The following SOX5 variants were observed in gnomAD, a reference collection of about 807,000 sequenced individuals.
SOX5 encodes the protein SRY-box transcription factor 5.
SOX5 carries 9 observed loss-of-function variants against 92.0 expected under a neutral mutation model. That is an observed-to-expected ratio of 0.10 (90% confidence interval 0.06 to 0.17). SOX5 has a LOEUF of 0.17. SOX5 is among the 10% of genes least tolerant of loss of function. The probability of loss-of-function intolerance (pLI) is 1.00; values close to 1 mark genes in which losing one functional copy is unlikely to be tolerated. For synonymous variants in SOX5, 344 were observed against 336.3 expected, an observed-to-expected ratio of 1.02 and a Z score of -0.25; for missense variants, 642 against 944.5, an observed-to-expected ratio of 0.68 and a Z score of 4.20.
At chr12:23,648,113 A>G (rs2081103126) in intron 7 of SOX5, among the ~76,000 whole-genome samples, 1 of 152,230 alleles carries the variant, frequency 6.6e-6, no homozygotes, top group Non-Finnish European at 1.5e-5. Context: ...TATAACTATA[A>G]TACCAAAGAT....
chr12:24,451,647 T>G (rs999739618), intron 1 of SOX5, among the ~76,000 whole-genome samples: 1 of 152,168 alleles, frequency 6.6e-6, no homozygotes, highest in Non-Finnish European at 1.5e-5. Context: ...GAAGAGTGAT[T>G]AAGAAGATGG....
intron 1 of SOX5, among the ~76,000 whole-genome samples, chr12:24,511,250 A>G (rs1949276319): frequency 6.6e-6 from 1 of 152,218 alleles, no homozygotes; most frequent in Non-Finnish European, 1.5e-5. Context: ...TTTATTTTAA[A>G]TTCAACTGTT....
At chr12:24,462,377 A>C (rs999134479) in intron 1 of SOX5, among the ~76,000 whole-genome samples, 1 of 152,228 alleles carries the variant, frequency 6.6e-6, no homozygotes, top group Non-Finnish European at 1.5e-5. Context: ...GTCATTATGC[A>C]GTATATGGCT....
chr12:23,653,072 ATGGG>A (rs1382668339), intron 7 of SOX5, among the ~76,000 whole-genome samples: 60 of 143,262 alleles, frequency 4.2e-4, no homozygotes, highest in South Asian at 9.2e-4. Flanking sequence ...GGATGGATGG[ATGGG>A]TGGATGGATG....
At chr12:23,846,651 CAT>C (rs2096578522) in intron 2 of SOX5, among the ~76,000 whole-genome samples, 4 of 143,440 alleles carry the variant, frequency 2.8e-5, no homozygotes, top group Admixed American at 1.5e-4. Flanking sequence ...AAACAAATAT[CAT>C]TACACACAAT....
intron 2 of SOX5, among the ~76,000 whole-genome samples, chr12:24,308,639 C>T (rs1477964040): frequency 6.6e-6 from 1 of 152,198 alleles, no homozygotes; most frequent in Non-Finnish European, 1.5e-5. Flanking sequence ...CAACATCTAG[C>T]ACATTACCTG....
chr12:23,941,058 T>A (rs1464986235), intron 1 of SOX5, among the ~76,000 whole-genome samples: 1 of 151,534 alleles, frequency 6.6e-6, no homozygotes, highest in Non-Finnish European at 1.5e-5. Context: ...CTATGAAATG[T>A]TTCTTCCTTT....
At chr12:24,462,512 A>G (rs1943753850) in intron 1 of SOX5, among the ~76,000 whole-genome samples, 1 of 152,210 alleles carries the variant, frequency 6.6e-6, no homozygotes, top group Non-Finnish European at 1.5e-5. Context: ...GAACAGAGCT[A>G]AAGACTCACA....
intron 2 of SOX5, among the ~76,000 whole-genome samples, chr12:24,342,089 T>C (rs141032172): frequency 2.0e-5 from 3 of 152,348 alleles, no homozygotes; most frequent in African/African-American, 4.8e-5. Flanking sequence ...CTGCCACATA[T>C]GGTTCTCAGG....
chr12:23,678,753 C>A (rs960452313), intron 6 of SOX5, among the ~76,000 whole-genome samples: 1 of 151,992 alleles, frequency 6.6e-6, no homozygotes, highest in Non-Finnish European at 1.5e-5. Flanking sequence ...AACAGGGAAG[C>A]CTAAAGTCAA....
intron 2 of SOX5, among the ~76,000 whole-genome samples, chr12:24,359,474 C>A (rs903336135): frequency 8.5e-5 from 13 of 152,126 alleles, no homozygotes; most frequent in Non-Finnish European, 1.6e-4. Flanking sequence ...CAACATAATA[C>A]CTTTTGAAAT....
intron 4 of SOX5, among the ~76,000 whole-genome samples, chr12:24,115,685 A>C (rs1378197485): frequency 6.6e-6 from 1 of 152,218 alleles, no homozygotes; most frequent in African/African-American, 2.4e-5. Flanking sequence ...GTAATTACAA[A>C]CTTCATCATG....
intron 4 of SOX5, among the ~76,000 whole-genome samples, chr12:24,119,330 C>T (rs1017627080): frequency 1.3e-5 from 2 of 152,216 alleles, no homozygotes; most frequent in East Asian, 3.9e-4. Flanking sequence ...GCACTATTCT[C>T]ACCATCAACA....
At chr12:24,447,130 C>T (rs1941599696) in intron 1 of SOX5, among the ~76,000 whole-genome samples, 1 of 152,158 alleles carries the variant, frequency 6.6e-6, no homozygotes, top group Non-Finnish European at 1.5e-5. Flanking sequence ...GAGTTTAACT[C>T]CCCTCCTCTT....
chr12:24,028,750 G>T (rs1955166859), intron 4 of SOX5, among the ~76,000 whole-genome samples: 1 of 151,972 alleles, frequency 6.6e-6, no homozygotes, highest in South Asian at 2.1e-4. Context: ...GTGAATGATT[G>T]AAGACTGAAT....
chr12:23,837,293 A>G (rs185895948), intron 3 of SOX5, among the ~76,000 whole-genome samples: 8,264 of 104,524 alleles, frequency 0.079, 774 homozygotes, highest in African/African-American at 0.14. Context: ...ATTTATATTT[A>G]TATAATATAT....
At chr12:23,948,103 G>T (rs767024508) in intron 1 of SOX5, among the ~76,000 whole-genome samples, 14 of 151,734 alleles carry the variant, frequency 9.2e-5, no homozygotes, top group Non-Finnish European at 1.6e-4. Flanking sequence ...GGCTATATTT[G>T]CAAATAAAAG....
At chr12:24,424,845 A>G (rs896790937) in intron 1 of SOX5, among the ~76,000 whole-genome samples, 4 of 144,350 alleles carry the variant, frequency 2.8e-5, no homozygotes, top group African/African-American at 1.0e-4. Flanking sequence ...CCTAGACCAC[A>G]TTGTAATACA....
Position 23,841,918 on chromosome 12 carries a change from G to GA in SOX5, c.481+4064_481+4065insT, listed in dbSNP as rs1394293911. On this transcript the variant is annotated intron_variant, in intron 3 of 14. Coordinates refer to ENST00000451604, the MANE Select transcript of SOX5 (RefSeq NM_006940.6). ...TGCATTATACATTGTACATTTCTAT[G>GA]CATTTGCACATATAAATGTATAATA... Among the ~76,000 whole-genome samples, 158 of 152,132 alleles carry GA rather than the reference G, an allele frequency of 1.0e-3. 1 individual carries two copies. Among genetic ancestry groups the GA allele is most frequent in the African/African-American group, 3.7e-3 (152 of 41,522 alleles).
Sources: allele counts gnomAD v4.1 joint callset (sites outside exome capture counted in the v4.1 genomes callset), GRCh38; gene constraint gnomAD v4.1.1; transcripts MANE v1.5; gene names NCBI Gene and HGNC (gene_info 2026-07-23, HGNC 2026-07-21).